SIK3: variants seen among roughly 807,000 people sequenced by gnomAD.
The protein encoded by SIK3 is SIK family kinase 3.
SIK3 carries 28 observed loss-of-function variants against 144.2 expected under a neutral mutation model. The ratio of observed to expected loss-of-function variants is 0.19; its 90% CI spans 0.14 to 0.27. SIK3 has a LOEUF of 0.27. Among genes scored for constraint, SIK3 ranks in the 10% least tolerant of loss-of-function variants. SIK3 has a pLI of 1.00. For missense variants in SIK3, 1,319 were observed against 1,776.0 expected (o/e 0.74, Z 4.62); for synonymous variants, 686 against 676.3 (o/e 1.01, Z -0.22).
intron 1 of SIK3, among the ~76,000 whole-genome samples, chr11:117,067,136 CA>C (rs1224656435): frequency 1.3e-5 from 2 of 152,100 alleles, no homozygotes; most frequent in Non-Finnish European, 2.9e-5. Flanking sequence ...AAAAGTTAAA[CA>C]TAAACCTACC....
chr11:116,944,308 G>C (rs929731280), intron 3 of SIK3, among the ~76,000 whole-genome samples: 1 of 152,134 alleles, frequency 6.6e-6, no homozygotes, highest in African/African-American at 2.4e-5. Context: ...TCATGCCAGA[G>C]AGTCTAATAA....
chr11:117,060,006 G>C (rs1341754967), intron 1 of SIK3, among the ~76,000 whole-genome samples: 1 of 152,130 alleles, frequency 6.6e-6, no homozygotes, highest in East Asian at 1.9e-4. Context: ...TTGGTATTTA[G>C]CCAAATGAGC....
intron 4 of SIK3, among the ~76,000 whole-genome samples, 198 bp downstream of exon 4, chr11:116,927,021 A>C (rs1322638530): frequency 1.5e-5 from 2 of 135,740 alleles, no homozygotes; most frequent in Non-Finnish European, 3.0e-5. Context: ...TCAGTCTCGA[A>C]AAAAAAAAAA....
chr11:117,066,727 G>C (rs1193292096), intron 1 of SIK3, among the ~76,000 whole-genome samples: 1 of 152,030 alleles, frequency 6.6e-6, no homozygotes, highest in Non-Finnish European at 1.5e-5. Flanking sequence ...TAGAGACAGA[G>C]TGTCGCTTGT....
At chr11:116,898,942 G>C (rs1945586317) in intron 4 of SIK3, among the ~76,000 whole-genome samples, 1 of 142,158 alleles carries the variant, frequency 7.0e-6, no homozygotes, top group Admixed American at 7.1e-5. Context: ...TCTCATGGTA[G>C]TTTCTTTTGC....
chr11:117,027,607 C>T (rs763181519), intron 1 of SIK3, among the ~76,000 whole-genome samples: 5 of 152,102 alleles, frequency 3.3e-5, no homozygotes, highest in African/African-American at 4.8e-5. Flanking sequence ...GGATTACACG[C>T]GCCCGCCACC....
intron 16 of SIK3, 130 bp downstream of exon 16, chr11:116,863,538 A>G (rs893736701): frequency 2.2e-6 from 3 of 1,364,684 alleles, no homozygotes; most frequent in Admixed American, 1.9e-5. Flanking sequence ...CCAGAAAGCT[A>G]TACTTTTTTA....
intron 1 of SIK3, among the ~76,000 whole-genome samples, chr11:117,083,144 G>A (rs1404024189): frequency 6.6e-6 from 1 of 152,112 alleles, no homozygotes; most frequent in Non-Finnish European, 1.5e-5. Context: ...GTTGTGACTT[G>A]GTATAACAAT....
chr11:116,905,414 C>T (rs1295080460), intron 4 of SIK3, among the ~76,000 whole-genome samples: 1 of 152,138 alleles, frequency 6.6e-6, no homozygotes, highest in African/African-American at 2.4e-5. Flanking sequence ...CTGCTATGAA[C>T]ATTTATGTGA....
At chr11:116,992,211 G>A (rs528389379) in intron 1 of SIK3, among the ~76,000 whole-genome samples, 1 of 151,310 alleles carries the variant, frequency 6.6e-6, no homozygotes, top group Non-Finnish European at 1.5e-5. Flanking sequence ...TATAATCCCA[G>A]CTACTCAGGA....
At chr11:116,977,362 T>C (rs931514846) in intron 1 of SIK3, among the ~76,000 whole-genome samples, 1 of 151,986 alleles carries the variant, frequency 6.6e-6, no homozygotes, top group Non-Finnish European at 1.5e-5. Context: ...ATTACAACCA[T>C]GAGCCATCAT....
At chr11:116,976,214 A>G (rs1949942039) in intron 1 of SIK3, among the ~76,000 whole-genome samples, 1 of 152,204 alleles carries the variant, frequency 6.6e-6, no homozygotes, top group African/African-American at 2.4e-5. Flanking sequence ...ATTTTGATGT[A>G]GTCCATTTAT....
At chr11:116,917,372 TG>T (rs1335212015) in intron 4 of SIK3, among the ~76,000 whole-genome samples, 8 of 152,180 alleles carry the variant, frequency 5.3e-5, no homozygotes, top group African/African-American at 1.9e-4. Flanking sequence ...CTACTCTAAA[TG>T]GATAGAATAT....
chr11:116,878,505 C>T (rs1222661575), intron 6 of SIK3, among the ~76,000 whole-genome samples: 1 of 151,954 alleles, frequency 6.6e-6, no homozygotes, highest in Non-Finnish European at 1.5e-5. Context: ...TCAGCTTCTC[C>T]AGCAGCTGGG....
chr11:116,919,352 T>A (rs1439126209), intron 4 of SIK3, among the ~76,000 whole-genome samples: 1 of 152,216 alleles, frequency 6.6e-6, no homozygotes, highest in Non-Finnish European at 1.5e-5. Flanking sequence ...AAATTTTCCA[T>A]GGTACCTTAA....
intron 13 of SIK3, among the ~76,000 whole-genome samples, 155 bp from the exon 14 acceptor site, chr11:116,870,556 T>A (rs549407571): frequency 6.6e-6 from 1 of 152,380 alleles, no homozygotes; most frequent in East Asian, 1.9e-4. Context: ...CATATACCTA[T>A]TTTTCCATTT....
chr11:117,043,391 G>A (rs972138675), intron 1 of SIK3, among the ~76,000 whole-genome samples: 3 of 152,090 alleles, frequency 2.0e-5, no homozygotes, highest in Non-Finnish European at 4.4e-5. Flanking sequence ...TCTTCAGCCT[G>A]GATACTTACA....
rs182808153 is a variant in SIK3, at chr11:116,956,738, T to C, written c.390+210A>G. 2.1e-3 allele frequency among the ~76,000 whole-genome samples: 313 copies of C among 152,244 alleles called. 3 individuals carry two copies. The highest frequency in any genetic ancestry group is 7.0e-3 in the African/African-American group (292 of 41,528). ...AAAGAACAAATTAAAAAGACCTACC[T>C]GGGTAAGGAAAACGTACTAGTAAAT... On this transcript the variant is annotated intron_variant, in intron 2 of 24. Transcript: ENST00000445177.
Position 116,863,240 on chromosome 11 carries a change from C to T in SIK3, c.2103+428G>A, listed in dbSNP as rs534381984. Among the ~76,000 whole-genome samples the T allele has an allele frequency of 2.2e-4, 34 of 152,238 alleles. No homozygotes were observed. In the South Asian group the frequency reaches 7.0e-3, roughly 32 times the overall value. The stretch of plus-strand genomic sequence containing the variant: ...TACATAACACAAAGTAAAGAAAGTG[C>T]ATTAGAAAGCTATACTTTCTTTTTC... On this transcript the variant is annotated intron_variant, in intron 16 of 24. Coordinates refer to ENST00000445177, the MANE Select transcript of SIK3 (RefSeq NM_001366686.3).
Sources: allele counts gnomAD v4.1 joint callset (sites outside exome capture counted in the v4.1 genomes callset), GRCh38; gene constraint gnomAD v4.1.1; transcripts MANE v1.5; gene names NCBI Gene and HGNC (gene_info 2026-07-23, HGNC 2026-07-21).